EYS: variants seen among roughly 807,000 people sequenced by gnomAD.
EYS encodes EGF-like photoreceptor maintenance factor, also known as protein eyes shut homolog.
In EYS, 250 loss-of-function variants were observed where a neutral mutation model predicts 282.1. That is an observed-to-expected ratio of 0.89 (90% CI 0.80 to 0.98). The LOEUF (loss-of-function observed/expected upper bound fraction) is 0.98. EYS is among the 50% of genes least tolerant of loss of function. The probability of loss-of-function intolerance (pLI) is 0.00; values close to 1 mark genes in which losing one functional copy is unlikely to be tolerated. For synonymous variants in EYS, 1,355 were observed against 1,282.9 expected (o/e 1.06, Z -1.20); for missense variants, 4,016 against 3,709.0 (o/e 1.08, Z -2.15).
chr6:65,128,425 C>T (rs1176618645), intron 12 of EYS, among the ~76,000 whole-genome samples: 2 of 151,832 alleles, frequency 1.3e-5, no homozygotes, highest in African/African-American at 4.8e-5. Context: ...ACCTAGATAA[C>T]ACTAAAAGAC....
rs1771369385 is a variant in EYS, at chr6:64,066,353, G to T, written c.6710C>A (p.Thr2237Asn). Residue 2237 changes from threonine to asparagine, a missense_variant, in exon 33 of 43, where the codon ACC (threonine) becomes AAC (asparagine). Transcript: ENST00000503581. ...ANYSINTNAF[T>N]PITIRYTTPV... Reference sequence around the variant, plus strand: ...CAGTACTTACCGTATTGTGATAGGGGTGAATGCATTTGTGTTAATGCTGTA... The same window carrying T: ...CAGTACTTACCGTATTGTGATAGGGTTGAATGCATTTGTGTTAATGCTGTA... 12 of 1,551,414 alleles carry T rather than the reference G, an allele frequency of 7.7e-6. No homozygotes were observed. In the East Asian group the frequency reaches 2.4e-4, roughly 32 times the overall value.
chr6:63,833,797 G>T (rs1014941289), intron 36 of EYS, among the ~76,000 whole-genome samples: 2 of 151,866 alleles, frequency 1.3e-5, no homozygotes, highest in African/African-American at 4.8e-5. Context: ...TCACGCTACA[G>T]GACTTCAAAC....
chr6:65,605,911 T>C (rs1026983362), intron 2 of EYS, among the ~76,000 whole-genome samples: 14 of 151,710 alleles, frequency 9.2e-5, no homozygotes, highest in African/African-American at 3.4e-4. Flanking sequence ...AATGCTATAT[T>C]GTGGTCAATG....
At chr6:65,669,701 C>T (rs550628555) in intron 1 of EYS, among the ~76,000 whole-genome samples, 23 of 152,022 alleles carry the variant, frequency 1.5e-4, no homozygotes, top group Admixed American at 1.4e-3. Flanking sequence ...AGCAAGACCA[C>T]CTTGTTTCAT....
chr6:64,210,868 A>C (rs1765745160), intron 31 of EYS, among the ~76,000 whole-genome samples: 1 of 152,170 alleles, frequency 6.6e-6, no homozygotes, highest in African/African-American at 2.4e-5. Context: ...TATAACAAAA[A>C]AGCAGAAGAA....
intron 28 of EYS, among the ~76,000 whole-genome samples, chr6:64,435,023 A>T (rs1774691994): frequency 6.6e-6 from 1 of 152,032 alleles, no homozygotes; most frequent in Non-Finnish European, 1.5e-5. Flanking sequence ...ATCCCTGCCC[A>T]GGGAAATTAT....
At chr6:65,638,703 C>G (rs982024238) in intron 2 of EYS, among the ~76,000 whole-genome samples, 3 of 152,234 alleles carry the variant, frequency 2.0e-5, no homozygotes, top group African/African-American at 7.2e-5. Context: ...TGGCTGTGCG[C>G]AGTGGGTGGA....
chr6:65,317,778 C>CT (rs1270603902), intron 11 of EYS, among the ~76,000 whole-genome samples: 9 of 14,352 alleles, frequency 6.3e-4, no homozygotes, highest in South Asian at 1.8e-3. Context: ...TACATTTTCT[C>CT]TTCCTTCCTT....
At chr6:65,003,709 C>T (rs550527437) in intron 13 of EYS, among the ~76,000 whole-genome samples, 31 of 147,104 alleles carry the variant, frequency 2.1e-4, no homozygotes, top group African/African-American at 5.6e-4. Flanking sequence ...TTTCTCAAGC[C>T]GGCCGGCACT....
At chr6:65,366,457 C>T (rs1048723730) in intron 8 of EYS, among the ~76,000 whole-genome samples, 5 of 151,772 alleles carry the variant, frequency 3.3e-5, no homozygotes, top group African/African-American at 1.2e-4. Context: ...CTAAAAATGA[C>T]TGCTAAGAAT....
chr6:65,623,733 T>A (rs1319167891), intron 2 of EYS, among the ~76,000 whole-genome samples: 1 of 152,228 alleles, frequency 6.6e-6, no homozygotes, highest in Non-Finnish European at 1.5e-5. Flanking sequence ...TTAAAACTAA[T>A]GTATGTACAT....
chr6:63,926,586 A>G (rs1332406306), intron 35 of EYS, among the ~76,000 whole-genome samples: 2 of 152,174 alleles, frequency 1.3e-5, no homozygotes. Flanking sequence ...TGGCTTATAA[A>G]TGATTATCAG....
At chr6:64,093,188 G>T (rs1772437930) in intron 31 of EYS, among the ~76,000 whole-genome samples, 1 of 152,044 alleles carries the variant, frequency 6.6e-6, no homozygotes, top group East Asian at 1.9e-4. Flanking sequence ...CAGGTAGCGT[G>T]ATGCCTCCAG....
At chr6:64,739,695 A>G (rs1772302365) in intron 22 of EYS, among the ~76,000 whole-genome samples, 1 of 152,146 alleles carries the variant, frequency 6.6e-6, no homozygotes. Flanking sequence ...TTTCCTGAAT[A>G]ATATTAAAAA....
intron 8 of EYS, among the ~76,000 whole-genome samples, chr6:65,362,016 AC>A: frequency 6.6e-6 from 1 of 152,252 alleles, no homozygotes; most frequent in South Asian, 2.1e-4. Context: ...ATAAAAGTGC[AC>A]CATAGCTAAT....
intron 2 of EYS, among the ~76,000 whole-genome samples, chr6:65,527,842 A>C (rs1767626303): frequency 6.6e-6 from 1 of 152,204 alleles, no homozygotes; most frequent in South Asian, 2.1e-4. Context: ...GCTTTAGTTA[A>C]GGGTTACAAA....
intron 31 of EYS, among the ~76,000 whole-genome samples, chr6:64,173,698 G>A (rs1764547391): frequency 6.6e-6 from 1 of 151,890 alleles, no homozygotes; most frequent in Non-Finnish European, 1.5e-5. Context: ...TAAAAAGCAG[G>A]GTTCGATTAA....
intron 29 of EYS, among the ~76,000 whole-genome samples, chr6:64,322,086 A>G (rs1770236713): frequency 6.6e-6 from 1 of 152,042 alleles, no homozygotes. Context: ...ACAACTATTT[A>G]CTAAGCACAT....
chr6:63,727,818 G>C (rs1247863260), intron 41 of EYS, among the ~76,000 whole-genome samples: 1 of 111,352 alleles, frequency 9.0e-6, no homozygotes. Flanking sequence ...GGAAGGATCA[G>C]TTGAGCTTGG....
Sources: allele counts gnomAD v4.1 joint callset (sites outside exome capture counted in the v4.1 genomes callset), GRCh38; gene constraint gnomAD v4.1.1; transcripts MANE v1.5; gene names NCBI Gene and HGNC (gene_info 2026-07-23, HGNC 2026-07-21).